The following OPCML variants were observed in gnomAD, a reference collection of about 807,000 sequenced individuals.
The protein encoded by OPCML is opioid binding protein/cell adhesion molecule like, also known as opioid-binding protein/cell adhesion molecule.
Under a neutral mutation model 37.8 loss-of-function variants are expected in OPCML, and 13 were observed. The observed-to-expected ratio is 0.34, with a 90% CI of 0.22 to 0.55. The LOEUF is 0.55. OPCML is among the 20% of genes least tolerant of loss of function. OPCML has a pLI of 0.91. For synonymous variants in OPCML, 176 were observed against 168.8 expected, an observed-to-expected ratio of 1.04 and a Z score of -0.33; for missense variants, 341 against 435.6, an observed-to-expected ratio of 0.78 and a Z score of 1.93.
intron 4 of OPCML, among the ~76,000 whole-genome samples, chr11:132,482,189 A>G (rs2096183023): frequency 1.3e-5 from 2 of 151,098 alleles, no homozygotes; most frequent in African/African-American, 4.9e-5. Context: ...TAATAAAGAA[A>G]AAAAGAGAGA....
At chr11:133,168,201 TC>T (rs1279948483) in intron 1 of OPCML, among the ~76,000 whole-genome samples, 2 of 152,118 alleles carry the variant, frequency 1.3e-5, no homozygotes, top group African/African-American at 4.8e-5. Context: ...GTGAAATGCC[TC>T]CCCGAATTGC....
At chr11:132,978,658 A>C (rs1179964112) in intron 1 of OPCML, among the ~76,000 whole-genome samples, 1 of 152,212 alleles carries the variant, frequency 6.6e-6, no homozygotes, top group Non-Finnish European at 1.5e-5. Context: ...GTGAGGGAAC[A>C]GGGGTCAGTC....
chr11:132,868,925 A>G (rs77668694), intron 2 of OPCML, among the ~76,000 whole-genome samples: 4,428 of 152,258 alleles, frequency 0.029, 80 homozygotes, highest in Middle Eastern at 0.051. Context: ...TACCCTCAGG[A>G]CAGGTGGAAA....
At position 132,553,990 on chromosome 11, in the gene OPCML, G is replaced by A. The variant is rs182413701; in HGVS notation, c.380-24804C>T. ...CCTTTATCATCTTTGCTGAACCCCA[G>A]GAGTGATGAGGAGCTGGCCAATGGA... On this transcript the variant is annotated intron_variant, in intron 3 of 7. Coordinates refer to ENST00000524381, the MANE Select transcript of OPCML (RefSeq NM_001012393.5). Among the ~76,000 whole-genome samples the A allele has an allele frequency of 2.9e-3, 435 of 152,298 alleles. 1 individual carries two copies. The highest frequency in any genetic ancestry group is 0.01 in the African/African-American group (417 of 41,554).
chr11:133,027,490 T>TA (rs765364020), intron 1 of OPCML, among the ~76,000 whole-genome samples: 1 of 110,864 alleles, frequency 9.0e-6, no homozygotes, highest in Non-Finnish European at 2.1e-5. Flanking sequence ...TGTGTGTGTG[T>TA]TGTGTGTGTG....
intron 3 of OPCML, among the ~76,000 whole-genome samples, chr11:132,605,266 A>G (rs1044038989): frequency 1.8e-4 from 27 of 152,262 alleles, no homozygotes; most frequent in African/African-American, 6.0e-4. Context: ...GGTTTTAAGA[A>G]TGACACCACA....
chr11:132,531,768 T>TC (rs879519477), intron 3 of OPCML, among the ~76,000 whole-genome samples: 4 of 151,740 alleles, frequency 2.6e-5, no homozygotes, highest in Non-Finnish European at 5.9e-5. Flanking sequence ...TTTTTTTTTT[T>TC]CCTATATTTT....
chr11:132,645,037 T>C (rs901106674), intron 3 of OPCML, among the ~76,000 whole-genome samples: 2 of 152,238 alleles, frequency 1.3e-5, no homozygotes, highest in African/African-American at 4.8e-5. Context: ...TCCCATTAAA[T>C]TGATTGCAGC....
chr11:132,714,137 C>T (rs114480273), intron 2 of OPCML, among the ~76,000 whole-genome samples: 11 of 152,246 alleles, frequency 7.2e-5, no homozygotes, highest in African/African-American at 2.4e-4. Flanking sequence ...AAATGCAAAA[C>T]AAGACTGAAA....
intron 1 of OPCML, among the ~76,000 whole-genome samples, chr11:132,975,563 A>C (rs1946444781): frequency 3.6e-4 from 32 of 89,552 alleles, no homozygotes; most frequent in Non-Finnish European, 5.1e-4. Context: ...AAAAAAAAAA[A>C]AAAAAAAAAA....
At chr11:132,944,390 C>T (rs1370059400) in intron 1 of OPCML, among the ~76,000 whole-genome samples, 1 of 152,182 alleles carries the variant, frequency 6.6e-6, no homozygotes, top group Non-Finnish European at 1.5e-5. Flanking sequence ...AACGGCTCCC[C>T]GCCCAGCCAA....
chr11:132,657,300 C>T lies in OPCML; in HGVS notation c.166G>A (p.Val56Ile), dbSNP rs759532040. Reference protein sequence around the residue: ...ATLRCTIDDRVTRVAWLNRST... With the variant: ...ATLRCTIDDRITRVAWLNRST... ...CGGTTTAGCCAGGCCACCCGGGTTACCCGGTCATCTATGGTACACCTGCAG... is the reference window on the plus strand; with the variant it reads ...CGGTTTAGCCAGGCCACCCGGGTTATCCGGTCATCTATGGTACACCTGCAG... Residue 56 changes from valine to isoleucine, a missense_variant, in exon 3 of 8, where the codon GTA becomes ATA. Val to Ile is a conservative substitution (Grantham distance 29). Coordinates refer to ENST00000524381, the MANE Select transcript of OPCML (RefSeq NM_001012393.5). The T allele has an allele frequency of 1.5e-5, 25 of 1,614,060 alleles. No homozygotes were observed. The Admixed American group carries it at 3.3e-4, about 22-fold the overall frequency.
At chr11:133,497,565 C>T (rs1031526753) in intron 1 of OPCML, among the ~76,000 whole-genome samples, 2 of 149,518 alleles carry the variant, frequency 1.3e-5, no homozygotes, top group Non-Finnish European at 2.9e-5. Context: ...GAAGCTCCCA[C>T]CAGCACAGTG....
chr11:132,844,898 G>A (rs1240925795), intron 2 of OPCML, among the ~76,000 whole-genome samples: 3 of 148,174 alleles, frequency 2.0e-5, no homozygotes, highest in Admixed American at 1.4e-4. Context: ...TTGGTTAATC[G>A]CTACCCACAT....
At chr11:132,572,111 T>C (rs1158786562) in intron 3 of OPCML, among the ~76,000 whole-genome samples, 3 of 136,958 alleles carry the variant, frequency 2.2e-5, no homozygotes, top group African/African-American at 8.4e-5. Flanking sequence ...TAAATCATGC[T>C]TTTTTTTTTT....
At chr11:132,847,263 G>A (rs1941588669) in intron 2 of OPCML, among the ~76,000 whole-genome samples, 1 of 152,026 alleles carries the variant, frequency 6.6e-6, no homozygotes, top group Non-Finnish European at 1.5e-5. Context: ...ATATTATTTT[G>A]TTAAATATTT....
intron 1 of OPCML, among the ~76,000 whole-genome samples, chr11:133,430,893 G>C (rs1946102329): frequency 6.6e-6 from 1 of 152,172 alleles, no homozygotes; most frequent in South Asian, 2.1e-4. Flanking sequence ...GCAAAGTTTG[G>C]TTGAGTGTGT....
At chr11:133,417,942 GA>G (rs147647662) in intron 1 of OPCML, among the ~76,000 whole-genome samples, 2,246 of 149,910 alleles carry the variant, frequency 0.015, 49 homozygotes, top group African/African-American at 0.051. Flanking sequence ...AAAAATATAG[GA>G]AAAAAAAACA....
At chr11:132,793,239 C>T (rs112968582) in intron 2 of OPCML, among the ~76,000 whole-genome samples, 22 of 152,168 alleles carry the variant, frequency 1.4e-4, no homozygotes, top group South Asian at 6.2e-4. Flanking sequence ...CCTGTGGTAC[C>T]GGCATGGGAC....
Sources: allele counts gnomAD v4.1 joint callset (sites outside exome capture counted in the v4.1 genomes callset), GRCh38; gene constraint gnomAD v4.1.1; transcripts MANE v1.5; gene names NCBI Gene and HGNC (gene_info 2026-07-23, HGNC 2026-07-21).